Variants in SLC25A13 observed in about 807,000 individuals in gnomAD.
The protein encoded by SLC25A13 is solute carrier family 25 member 13.
Under a neutral mutation model 85.5 loss-of-function variants are expected in SLC25A13, and 70 were observed. The observed-to-expected ratio is 0.82, with a 90% CI of 0.68 to 1.00. The LOEUF (loss-of-function observed/expected upper bound fraction) is 1.00. Among genes scored for constraint, SLC25A13 ranks in the 50% least tolerant of loss-of-function variants. The pLI, the probability that SLC25A13 is intolerant of heterozygous loss-of-function variation, is 0.00. For missense variants in SLC25A13, 765 were observed against 819.8 expected (o/e 0.93, Z 0.82); for synonymous variants, 259 against 288.7 (o/e 0.90, Z 1.04).
chr7:96,133,368 A>G (rs188799364), intron 14 of SLC25A13, among the ~76,000 whole-genome samples: 66 of 152,302 alleles, frequency 4.3e-4, no homozygotes, highest in Admixed American at 2.7e-3. Flanking sequence ...GGCACGTACA[A>G]ACTAACGTCC....
chr7:96,257,867 A>G (rs1797699997), intron 3 of SLC25A13, among the ~76,000 whole-genome samples: 2 of 152,234 alleles, frequency 1.3e-5, no homozygotes, highest in Admixed American at 6.5e-5. Context: ...CTTATCTACT[A>G]TAATCAAGTC....
chr7:96,209,017 T>G (rs947670440), intron 4 of SLC25A13, 40 bp from the exon 5 acceptor site: 1 of 1,605,318 alleles, frequency 6.2e-7, no homozygotes, highest in Non-Finnish European at 8.5e-7. Context: ...ACAAAGTAAA[T>G]GAAGTTCTTT....
intron 2 of SLC25A13, among the ~76,000 whole-genome samples, chr7:96,293,976 C>T (rs1799235883): frequency 6.6e-6 from 1 of 152,160 alleles, no homozygotes; most frequent in African/African-American, 2.4e-5. Context: ...AAGGCACATG[C>T]ACACGTATGT....
At chr7:96,220,341 G>GTA (rs1157299190) in intron 4 of SLC25A13, among the ~76,000 whole-genome samples, 1 of 152,122 alleles carries the variant, frequency 6.6e-6, no homozygotes, top group Non-Finnish European at 1.5e-5. Context: ...TACTACAAAT[G>GTA]TACACCCACA....
intron 3 of SLC25A13, among the ~76,000 whole-genome samples, chr7:96,235,118 C>T (rs777798359): frequency 1.3e-5 from 2 of 152,130 alleles, no homozygotes; most frequent in Non-Finnish European, 2.9e-5. Context: ...GACATGACAG[C>T]ATTGACCATG....
intron 3 of SLC25A13, among the ~76,000 whole-genome samples, chr7:96,260,082 A>T (rs1443525311): frequency 1.3e-5 from 2 of 152,106 alleles, no homozygotes; most frequent in African/African-American, 4.8e-5. Flanking sequence ...GAGGGATAGC[A>T]TTAGGAGAAA....
At chr7:96,140,397 CTTTTTTT>C (rs59863233) in intron 14 of SLC25A13, among the ~76,000 whole-genome samples, 4 of 88,126 alleles carry the variant, frequency 4.5e-5, no homozygotes, top group Non-Finnish European at 6.1e-5. Context: ...CAAGGATCTC[CTTTTTTT>C]TTTTTTTTTT....
At chr7:96,178,949 T>TAGCC in intron 11 of SLC25A13, among the ~76,000 whole-genome samples, 1 of 152,232 alleles carries the variant, frequency 6.6e-6, no homozygotes, top group Non-Finnish European at 1.5e-5. Flanking sequence ...GCTGGGGAAA[T>TAGCC]AGCCAGGGAC....
At chr7:96,130,901 G>A (rs1792000707) in intron 15 of SLC25A13, among the ~76,000 whole-genome samples, 1 of 152,180 alleles carries the variant, frequency 6.6e-6, no homozygotes, top group Non-Finnish European at 1.5e-5. Context: ...TGCAGCCAGG[G>A]TAGGTGGGGT....
chr7:96,134,793 T>TTTTATATATATATATATATATA (rs940988441), intron 14 of SLC25A13, among the ~76,000 whole-genome samples: 1 of 102,250 alleles, frequency 9.8e-6, no homozygotes, highest in Admixed American at 1.0e-4. Flanking sequence ...ACAAACAATT[T>TTTTATATATATATATATATATA]TATATATATA....
intron 13 of SLC25A13, among the ~76,000 whole-genome samples, chr7:96,167,751 CCAA>C (rs1793814529): frequency 6.6e-6 from 1 of 152,094 alleles, no homozygotes; most frequent in Non-Finnish European, 1.5e-5. Context: ...GTGACTGACT[CCAA>C]TTATAGAGAA....
intron 1 of SLC25A13, among the ~76,000 whole-genome samples, chr7:96,313,976 C>T (rs1241497955): frequency 6.6e-6 from 1 of 152,082 alleles, no homozygotes; most frequent in Non-Finnish European, 1.5e-5. Context: ...TAAACTAGTA[C>T]ATTCTGTTTT....
At chr7:96,169,288 C>G (rs1793899296) in intron 13 of SLC25A13, among the ~76,000 whole-genome samples, 1 of 152,082 alleles carries the variant, frequency 6.6e-6, no homozygotes, top group African/African-American at 2.4e-5. Flanking sequence ...AAAAAAGTGA[C>G]TTCATCTTTT....
chr7:96,171,044 A>G (rs1793974552), intron 12 of SLC25A13, among the ~76,000 whole-genome samples: 15 of 152,214 alleles, frequency 9.9e-5, no homozygotes, highest in Admixed American at 9.8e-4. Context: ...GAGTCAGACA[A>G]GTGTGATTTT....
At chr7:96,133,033 A>G (rs1274727158) in intron 14 of SLC25A13, among the ~76,000 whole-genome samples, 1 of 152,216 alleles carries the variant, frequency 6.6e-6, no homozygotes, top group East Asian at 1.9e-4. Flanking sequence ...CAAGTCTACT[A>G]TAACTTAATT....
intron 3 of SLC25A13, among the ~76,000 whole-genome samples, chr7:96,260,172 C>G (rs1431074585): frequency 6.6e-6 from 1 of 151,926 alleles, no homozygotes; most frequent in Non-Finnish European, 1.5e-5. Context: ...CCTGCACGTT[C>G]TGCACATGTA....
At position 96,296,909 on chromosome 7, in the gene SLC25A13, T is replaced by C. The variant is rs1251109528; in HGVS notation, c.58A>G (p.Ile20Val). The C allele has an allele frequency of 6.2e-7, 1 of 1,613,480 alleles. No homozygotes were observed. The highest frequency in any genetic ancestry group is 1.7e-5 in the Admixed American group (1 of 60,016). The change falls in exon 2 of 18, where the codon ATA becomes GTA. Residue 20 changes from isoleucine to valine, a missense_variant. Transcript: ENST00000265631. The stretch of plus-strand genomic sequence containing the variant: ...TCCTTTATACTGACCTTCAAAAATA[T>C]TGTTCTAAGCTCAGCTGGATCTGCT... ...KRADPAELRT[I>V]FLKYASIEKN...
chr7:96,207,897 G>C (rs1360083799), intron 5 of SLC25A13, among the ~76,000 whole-genome samples: 5 of 152,110 alleles, frequency 3.3e-5, no homozygotes, highest in Non-Finnish European at 7.4e-5. Context: ...ATAAGAAAGT[G>C]CGCAAGTGCC....
Position 96,156,929 on chromosome 7 carries a change from G to A in SLC25A13, c.1312-10233C>T, listed in dbSNP as rs1793291340. Among the ~76,000 whole-genome samples the A allele has an allele frequency of 2.6e-5, 4 of 152,118 alleles. No individual in the cohort carries two copies. The South Asian group carries it at 8.3e-4, about 32-fold the overall frequency. On this transcript the variant is annotated intron_variant, in intron 13 of 17. Coordinates refer to ENST00000265631, the MANE Select transcript of SLC25A13 (RefSeq NM_014251.3). ...AATGGGCTTGCAAAATAATTATACT[G>A]ATGTAGGTTTTGTCTAAATATAGCA...
Sources: gnomAD v4.1 joint callset for allele counts (sites outside exome capture counted in the v4.1 genomes callset) on GRCh38, gnomAD v4.1.1 for gene constraint, MANE v1.5 for transcripts, NCBI Gene and HGNC (gene_info 2026-07-23, HGNC 2026-07-21) for gene names.